The following DNAJC4 variants were observed in gnomAD, a reference collection of about 807,000 sequenced individuals.
DNAJC4 encodes DnaJ heat shock protein family (Hsp40) member C4, also known as dnaJ homolog subfamily C member 4.
Under a neutral mutation model 26.8 loss-of-function variants are expected in DNAJC4, and 26 were observed. That is an observed-to-expected ratio of 0.97 (90% CI 0.71 to 1.34). The LOEUF (loss-of-function observed/expected upper bound fraction) is 1.34, where lower values mean the gene tolerates loss of function less well. Ranked by LOEUF, DNAJC4 falls within the 40% of genes most tolerant of loss-of-function variation. DNAJC4 has a pLI of 0.00. For synonymous variants in DNAJC4, 134 were observed against 127.8 expected (o/e 1.05, Z -0.33); for missense variants, 342 against 321.1 (o/e 1.07, Z -0.50).
At chr11:64,232,018 G>C in intron 2 of DNAJC4, 54 bp downstream of exon 2, 2 of 1,574,436 alleles carry the variant, frequency 1.3e-6, no homozygotes, top group South Asian at 2.2e-5. Flanking sequence ...GCCAGTGGGG[G>C]TGTGCTTCAA....
chr11:64,231,399 T>C (rs1947174334), intron 1 of DNAJC4: 2 of 208,838 alleles, frequency 9.6e-6, no homozygotes, highest in African/African-American at 2.6e-5. Context: ...TGGAGTGCAA[T>C]GGAGCAATCT....
Position 64,230,738 on chromosome 11 carries a change from C to A in DNAJC4, c.-117C>A. On this transcript the variant is annotated 5_prime_UTR_variant, in exon 1 of 6. Transcript: ENST00000628077. ...CCCTCTCCGGGCCTGCTTCAGTCTT[C>A]CTTTGCAGAACAACGGGCCAGGCCC... 1 of 1,408,452 alleles carries A rather than the reference C, an allele frequency of 7.1e-7. No homozygotes were observed. The highest frequency in any genetic ancestry group is 9.7e-7 in the Non-Finnish European group (1 of 1,032,020). 87.2% of individuals were successfully genotyped at this position (1,408,452 alleles called of 1,614,324 possible). A position where few individuals can be genotyped will look rare whatever the true frequency, so the allele number is the denominator to read the frequency against.
rs200992834 is a variant in DNAJC4 at position 64,233,975 on chromosome 11, G to A, written c.609G>A (p.Arg203=). The A allele has an allele frequency of 1.9e-6, 3 of 1,614,054 alleles. No homozygotes were observed. The highest frequency in any genetic ancestry group is 2.7e-5 in the African/African-American group (2 of 75,052). Residue 203 remains arginine, a synonymous_variant, in exon 5 of 6, where the codon CGG becomes CGA. Coordinates refer to ENST00000628077, the MANE Select transcript of DNAJC4 (RefSeq NM_005528.4). ...CCTTCTACAACGAAGCCCGGGCACG[G>A]GCCAGGTCTGTCCCTGCTCTATTCT... The part of the protein sequence containing the change: ...ITAFYNEARA[R]ARANRGILQQ...
In DNAJC4 at chr11:64,230,694, G is replaced by A; in HGVS notation, c.-161G>A. On this transcript the variant is annotated 5_prime_UTR_variant, in exon 1 of 6. Coordinates refer to ENST00000628077, the MANE Select transcript of DNAJC4 (RefSeq NM_005528.4). ...GCAGGTCCAAGGACACGCGGGTCTG[G>A]TCCTGGGCAAGAACCGCCCCCTCTC... is the stretch of plus-strand genomic sequence containing the variant. 2.1e-6 allele frequency: 2 copies of A among 969,128 alleles called. No homozygotes were observed. The highest frequency in any genetic ancestry group is 3.1e-6 in the Non-Finnish European group (2 of 644,280). The allele number at this position is 969,128 out of a possible 1,614,324, so 60.0% of individuals were successfully genotyped here. A position where few individuals can be genotyped will look rare whatever the true frequency, so the allele number is the denominator to read the frequency against.
chr11:64,232,266 G>A, intron 2 of DNAJC4, 164 bp from the exon 3 acceptor site: 5 of 899,474 alleles, frequency 5.6e-6, no homozygotes, highest in Non-Finnish European at 8.2e-6. Flanking sequence ...GGAAGCAGGA[G>A]TCCATGCTCT....
chr11:64,234,091 T>C lies in DNAJC4; in HGVS notation c.633T>C (p.Leu211=). The C allele has an allele frequency of 6.2e-7, 1 of 1,611,880 alleles. No homozygotes were observed. Among genetic ancestry groups the C allele is most frequent in the Non-Finnish European group, 8.5e-7 (1 of 1,179,546 alleles). ...RARARANRGI[L]QQERQRLGQR... ...CCTCCAGGGCCAACAGAGGCATCCTTCAGCAGGAGCGACAACGGCTAGGGC... is the reference window on the plus strand; with the variant it reads ...CCTCCAGGGCCAACAGAGGCATCCTCCAGCAGGAGCGACAACGGCTAGGGC... The change falls in exon 6 of 6, where the codon CTT becomes CTC. Residue 211 remains leucine (L), a synonymous_variant. Transcript: ENST00000628077. The surrounding 1 kb of genome is among the most constrained non-coding windows in gnomAD (Gnocchi z 5.3).
rs1000579773 is a variant in DNAJC4 at position 64,232,713 on chromosome 11, AC to A, written c.381del (p.Asn128ThrfsTer11). 7 of 1,589,702 alleles carry A rather than the reference AC, an allele frequency of 4.4e-6. No individual in the cohort carries two copies. The highest frequency in any genetic ancestry group is 4.3e-6 in the Non-Finnish European group (5 of 1,163,208). ...CTCTGCCTCCCAGCAGCTCCTGGAC[AC>A]CCCCCAACGCACAGTACTGGTCCCA... is the stretch of plus-strand genomic sequence containing the variant. The part of the protein sequence containing the change: ...SAHQTHSSWT[P>X]PNAQYWSQFH... On this transcript the variant is annotated frameshift_variant, in exon 4 of 6. Coordinates refer to ENST00000628077, the MANE Select transcript of DNAJC4 (RefSeq NM_005528.4). LOFTEE classifies it high-confidence loss of function.
In DNAJC4 at chr11:64,230,619, C is replaced by T. The variant is rs1267499021; in HGVS notation, c.-236C>T. The stretch of plus-strand genomic sequence containing the variant: ...GGGGTCCCTGGCTGGGTGGCCAGAC[C>T]CCGAAGCCAGCGCTGGGAAGGGCTG... On this transcript the variant is annotated 5_prime_UTR_variant, in exon 1 of 6. Transcript: ENST00000628077. 3.1e-6 allele frequency: 2 copies of T among 638,226 alleles called. No homozygotes were observed. The highest frequency in any genetic ancestry group is 2.7e-5 in the Admixed American group (1 of 36,824). The allele number at this position is 638,226 out of a possible 1,614,324, so 39.5% of individuals were successfully genotyped here.
chr11:64,233,790 T>G, intron 4 of DNAJC4, 104 bp from the exon 5 acceptor site: 2 of 1,466,578 alleles, frequency 1.4e-6, no homozygotes, highest in Non-Finnish European at 1.9e-6. Context: ...CCTAACCCTG[T>G]GTAAGGGTAA....
At chr11:64,233,828 G>A (rs1947208886) in intron 4 of DNAJC4, 66 bp from the exon 5 acceptor site, 7 of 1,580,734 alleles carry the variant, frequency 4.4e-6, no homozygotes, top group Non-Finnish European at 5.2e-6. Context: ...AGAGTGGGGT[G>A]GAAGGGGGCA....
rs61761263 is a variant in DNAJC4, at chr11:64,233,765, G to T, written c.528-129G>T. Reference sequence around the variant, plus strand: ...AGCCCTCCCTATCTATCACAGGAAGGGTTAGACTGAGGTTCCTAACCCTGT... The same window carrying T: ...AGCCCTCCCTATCTATCACAGGAAGTGTTAGACTGAGGTTCCTAACCCTGT... On this transcript the variant is annotated intron_variant, in intron 4 of 5. Coordinates refer to ENST00000628077, the MANE Select transcript of DNAJC4 (RefSeq NM_005528.4). The T allele has an allele frequency of 1.9e-4, 243 of 1,271,270 alleles. No homozygotes were observed. The African/African-American group carries it at 3.3e-3, about 17-fold the overall frequency. The allele number at this position is 1,271,270 out of a possible 1,614,324, so 78.7% of individuals were successfully genotyped here.
intron 2 of DNAJC4, 51 bp downstream of exon 2, chr11:64,232,015 G>C (rs768892464): frequency 2.5e-6 from 4 of 1,582,920 alleles, no homozygotes; most frequent in Non-Finnish European, 3.5e-6. Context: ...TGAGCCAGTG[G>C]GGGTGTGCTT....
At chr11:64,231,223 G>A (rs1565313969) in intron 1 of DNAJC4, 1 of 558,660 alleles carries the variant, frequency 1.8e-6, no homozygotes, top group Non-Finnish European at 3.3e-6. Flanking sequence ...CCCTCTGTGG[G>A]GGGTGGGAGA....
At chr11:64,232,289 G>T in intron 2 of DNAJC4, 141 bp from the exon 3 acceptor site, 1 of 1,094,518 alleles carries the variant, frequency 9.1e-7, no homozygotes, top group Non-Finnish European at 1.3e-6. Context: ...GGCCTTCTGA[G>T]GAGTGGGCAG....
At chr11:64,232,198 G>A in intron 2 of DNAJC4, 2 of 716,766 alleles carry the variant, frequency 2.8e-6, no homozygotes, top group Non-Finnish European at 4.5e-6. Context: ...GAGAAACCTG[G>A]ACCAGGGCAT....
chr11:64,232,497 A>G lies in DNAJC4; in HGVS notation c.248A>G (p.Tyr83Cys). The change falls in exon 3 of 6, where the codon TAC (tyrosine) becomes TGC (cysteine). Residue 83 changes from tyrosine to cysteine, a missense_variant. Transcript: ENST00000628077. ...HSRFVELSEA[Y>C]RVLSREQSRR... ...CGCTTTGTGGAGCTGAGCGAGGCATACCGTGTGCTCAGCCGTGAGCAGAGC... is the reference window on the plus strand; with the variant it reads ...CGCTTTGTGGAGCTGAGCGAGGCATGCCGTGTGCTCAGCCGTGAGCAGAGC... The G allele has an allele frequency of 6.2e-7, 1 of 1,612,642 alleles. No homozygotes were observed. The highest frequency in any genetic ancestry group is 8.5e-7 in the Non-Finnish European group (1 of 1,179,018).
chr11:64,231,864 T>C lies in DNAJC4; in HGVS notation c.87-7T>C. 2 of 1,613,962 alleles carry C rather than the reference T, an allele frequency of 1.2e-6. No homozygotes were observed. The highest frequency in any genetic ancestry group is 1.7e-6 in the Non-Finnish European group (2 of 1,179,906). ...AGCCCCTGCAAGGTTTGGGACTCTG[T>C]CCACAGGTCCAGACCCAGTACTTAT... On this transcript the variant is annotated splice_region_variant and splice_polypyrimidine_tract_variant and intron_variant, in intron 1 of 5. Transcript: ENST00000628077.
chr11:64,230,938 G>T lies in DNAJC4; in HGVS notation c.84G>T (p.Gln28His). 6.4e-7 allele frequency: 1 copy of T among 1,551,820 alleles called. No homozygotes were observed. The highest frequency in any genetic ancestry group is 8.7e-7 in the Non-Finnish European group (1 of 1,154,246). Residue 28 changes from glutamine (Q) to histidine (H), a missense_variant and splice_region_variant, in exon 1 of 6, where the codon CAG (glutamine) becomes CAT (histidine). Gln to His is a conservative substitution (Grantham distance 24). Coordinates refer to ENST00000628077, the MANE Select transcript of DNAJC4 (RefSeq NM_005528.4). ...GGCTCCTCGGAGCGGCCGCCGGGCAGCGGTGAGTTGGGCGCGGGGGGCCGG... is the reference window on the plus strand; with the variant it reads ...GGCTCCTCGGAGCGGCCGCCGGGCATCGGTGAGTTGGGCGCGGGGGGCCGG... ...PSRLLGAAAGQRSRPSTYYEL... is the reference protein window; with the variant it reads ...PSRLLGAAAGHRSRPSTYYEL...
chr11:64,233,331 C>T (rs1052508464), intron 4 of DNAJC4, among the ~76,000 whole-genome samples: 3 of 152,106 alleles, frequency 2.0e-5, no homozygotes, highest in African/African-American at 7.2e-5. Context: ...CTCTGCCTCC[C>T]AGGTTCAAGC....
Sources: allele counts gnomAD v4.1 joint callset (sites outside exome capture counted in the v4.1 genomes callset), GRCh38; gene constraint gnomAD v4.1.1; non-coding constraint Gnocchi (gnomAD v3.1); transcripts MANE v1.5; gene names NCBI Gene and HGNC (gene_info 2026-07-23, HGNC 2026-07-21).